The following PPFIA2 variants were observed in gnomAD, a reference collection of about 807,000 sequenced individuals.
PPFIA2 encodes the protein PPFI scaffold protein A2.
In PPFIA2, 46 loss-of-function variants were observed where a neutral mutation model predicts 175.5. The observed-to-expected ratio is 0.26, with a 90% confidence interval of 0.21 to 0.34. The LOEUF (loss-of-function observed/expected upper bound fraction) is 0.34. Among genes scored for constraint, PPFIA2 ranks in the 10% least tolerant of loss-of-function variants. The pLI, the probability that PPFIA2 is intolerant of heterozygous loss-of-function variation, is 1.00. For missense variants in PPFIA2, 1,179 were observed against 1,506.1 expected (o/e 0.78, Z 3.60); for synonymous variants, 568 against 511.4 (o/e 1.11, Z -1.49).
At chr12:81,406,784 T>G (rs2043013700) in intron 7 of PPFIA2, among the ~76,000 whole-genome samples, 1 of 152,154 alleles carries the variant, frequency 6.6e-6, no homozygotes, top group Non-Finnish European at 1.5e-5. Context: ...ATATTAGTTC[T>G]GGGAGAAATA....
intron 3 of PPFIA2, among the ~76,000 whole-genome samples, chr12:81,749,930 CT>C (rs2083529223): frequency 7.0e-6 from 1 of 143,820 alleles, no homozygotes; most frequent in African/African-American, 2.4e-5. Context: ...CTTTAAAAGC[CT>C]TTTTTATGGG....
chr12:81,420,752 T>G lies in PPFIA2; in HGVS notation c.646-14849A>C, dbSNP rs183988014. ...AAGAAAGAAATTGATAGAAAGCATA[T>G]TTAGAGAAATAACAGCTGAAAAATC... On this transcript the variant is annotated intron_variant, in intron 7 of 32. Transcript: ENST00000549396. Among the ~76,000 whole-genome samples the G allele has an allele frequency of 9.5e-3, 1,438 of 151,606 alleles. 17 individuals are homozygous for G. Among genetic ancestry groups the G allele is most frequent in the African/African-American group, 0.033 (1,383 of 41,362 alleles).
intron 9 of PPFIA2, among the ~76,000 whole-genome samples, chr12:81,377,531 C>CCA (rs1304140984): frequency 6.6e-6 from 1 of 151,470 alleles, no homozygotes; most frequent in Non-Finnish European, 1.5e-5. Context: ...CCAGCCTGGG[C>CCA]CACAGGGCAA....
At chr12:81,396,202 A>G (rs1241024961) in intron 8 of PPFIA2, among the ~76,000 whole-genome samples, 1 of 152,088 alleles carries the variant, frequency 6.6e-6, no homozygotes, top group Non-Finnish European at 1.5e-5. Flanking sequence ...ACACGTATTT[A>G]TTAAGTGTTC....
intron 3 of PPFIA2, among the ~76,000 whole-genome samples, chr12:81,733,542 C>T (rs150742381): frequency 5.3e-5 from 8 of 151,572 alleles, no homozygotes; most frequent in African/African-American, 1.9e-4. Flanking sequence ...TGACACTTAC[C>T]AGTAATGTGA....
intron 3 of PPFIA2, among the ~76,000 whole-genome samples, chr12:81,729,308 T>C (rs2080522420): frequency 6.6e-6 from 1 of 151,506 alleles, no homozygotes; most frequent in African/African-American, 2.4e-5. Flanking sequence ...AAAAATTTCA[T>C]AAATGATAAA....
intron 22 of PPFIA2, among the ~76,000 whole-genome samples, chr12:81,307,237 G>T (rs2049487042): frequency 6.6e-6 from 1 of 152,246 alleles, no homozygotes; most frequent in African/African-American, 2.4e-5. Flanking sequence ...ACCACCATGT[G>T]CCCGCAGCCT....
At chr12:81,736,563 G>T in intron 3 of PPFIA2, among the ~76,000 whole-genome samples, 1 of 151,932 alleles carries the variant, frequency 6.6e-6, no homozygotes, top group East Asian at 1.9e-4. Flanking sequence ...GGATGCATTT[G>T]AAGGAGGAAA....
intron 8 of PPFIA2, among the ~76,000 whole-genome samples, chr12:81,404,938 G>A (rs181579153): frequency 6.6e-6 from 1 of 152,078 alleles, no homozygotes; most frequent in Non-Finnish European, 1.5e-5. Flanking sequence ...TGATTCATGT[G>A]GTCTTCATTT....
rs533478694 is a variant in PPFIA2 at position 81,695,325 on chromosome 12, T to C, written c.250-18481A>G. Among the ~76,000 whole-genome samples, 5 of 152,258 alleles carry C rather than the reference T, an allele frequency of 3.3e-5. No individual in the cohort carries two copies. The East Asian group carries it at 9.7e-4, about 30-fold the overall frequency. ...TAGGGCCTGGTGGAAGGTGTCTGGA[T>C]CATAGGAGCATATCCTTCATGGCTT... On this transcript the variant is annotated intron_variant, in intron 3 of 32. Transcript: ENST00000549396.
At chr12:81,398,074 G>A (rs2041471465) in intron 8 of PPFIA2, among the ~76,000 whole-genome samples, 1 of 151,876 alleles carries the variant, frequency 6.6e-6, no homozygotes, top group Non-Finnish European at 1.5e-5. Flanking sequence ...TAAATAAAGT[G>A]CAAAATAAAT....
chr12:81,445,754 T>C (rs1383668435), intron 5 of PPFIA2, 34 bp from the exon 6 acceptor site: 2 of 1,586,312 alleles, frequency 1.3e-6, no homozygotes, highest in Admixed American at 1.8e-5. Flanking sequence ...AATTATCTTA[T>C]GAATACAAGT....
intron 7 of PPFIA2, among the ~76,000 whole-genome samples, chr12:81,435,578 G>A (rs968271870): frequency 2.6e-5 from 4 of 152,018 alleles, no homozygotes; most frequent in African/African-American, 9.7e-5. Context: ...GGAGGAGAGA[G>A]AGAAAGAGAG....
At chr12:81,605,328 T>C (rs772975461) in intron 4 of PPFIA2, among the ~76,000 whole-genome samples, 19 of 151,126 alleles carry the variant, frequency 1.3e-4, no homozygotes, top group African/African-American at 4.4e-4. Flanking sequence ...GAAAGAACAA[T>C]GGGGTGAAGA....
intron 9 of PPFIA2, among the ~76,000 whole-genome samples, chr12:81,379,594 T>A (rs1328132831): frequency 2.6e-5 from 4 of 152,146 alleles, no homozygotes; most frequent in Non-Finnish European, 4.4e-5. Context: ...CAATTAATAA[T>A]CCTTTTGATT....
intron 8 of PPFIA2, among the ~76,000 whole-genome samples, chr12:81,400,899 G>A (rs180898999): frequency 4.6e-5 from 7 of 152,206 alleles, no homozygotes; most frequent in Admixed American, 4.6e-4. Context: ...TCCACTCTTC[G>A]ATCTATGAAG....
intron 10 of PPFIA2, among the ~76,000 whole-genome samples, chr12:81,375,188 T>C (rs2036082691): frequency 6.6e-6 from 1 of 152,136 alleles, no homozygotes; most frequent in Non-Finnish European, 1.5e-5. Context: ...ACAGGTCAGA[T>C]AGTAAAAATG....
At position 81,541,941 on chromosome 12, in the gene PPFIA2, G is replaced by C. The variant is rs535844699; in HGVS notation, c.304-84075C>G. ...GACTAGAATGATTGGTATATTACTGGATTAGGGTTAGAAACATCAGGATGA... is the reference window on the plus strand; with the variant it reads ...GACTAGAATGATTGGTATATTACTGCATTAGGGTTAGAAACATCAGGATGA... On this transcript the variant is annotated intron_variant, in intron 4 of 32. Transcript: ENST00000549396. 2.6e-5 allele frequency among the ~76,000 whole-genome samples: 4 copies of C among 151,940 alleles called. No homozygotes were observed. The South Asian group carries it at 8.3e-4, about 32-fold the overall frequency.
intron 4 of PPFIA2, among the ~76,000 whole-genome samples, chr12:81,460,315 T>A (rs759656003): frequency 1.2e-4 from 18 of 152,270 alleles, no homozygotes; most frequent in Non-Finnish European, 1.9e-4. Flanking sequence ...GCTGCCATCA[T>A]GTAAGAAGTG....
Sources: gnomAD v4.1 joint callset for allele counts (sites outside exome capture counted in the v4.1 genomes callset) on GRCh38, gnomAD v4.1.1 for gene constraint, MANE v1.5 for transcripts, NCBI Gene and HGNC (gene_info 2026-07-23, HGNC 2026-07-21) for gene names.